Variants in RBFOX1 observed in about 807,000 individuals in gnomAD.
RBFOX1 encodes RNA binding fox-1 homolog 1, also known as RNA binding protein fox-1 homolog 1.
In RBFOX1, 8 loss-of-function variants were observed where a neutral mutation model predicts 57.7. The ratio of observed to expected loss-of-function variants is 0.14; its 90% CI spans 0.08 to 0.25. RBFOX1 has a LOEUF of 0.25. RBFOX1 is among the 10% of genes least tolerant of loss of function. The pLI is 1.00. For missense variants in RBFOX1, 611 were observed against 548.5 expected (o/e 1.11, Z -1.14); for synonymous variants, 326 against 222.4 (o/e 1.47, Z -4.15).
At chr16:6,372,864 G>C (rs1026374103) in intron 2 of RBFOX1, among the ~76,000 whole-genome samples, 3 of 150,914 alleles carry the variant, frequency 2.0e-5, no homozygotes, top group African/African-American at 7.3e-5. Context: ...GAGTACGGTC[G>C]GGTGGAATGG....
intron 3 of RBFOX1, among the ~76,000 whole-genome samples, chr16:7,019,513 C>T (rs932622891): frequency 3.3e-5 from 5 of 152,078 alleles, no homozygotes; most frequent in African/African-American, 4.8e-5. Flanking sequence ...AACCCCTGAG[C>T]CCATGGTCCT....
chr16:7,216,229 G>A (rs1339559156), intron 4 of RBFOX1, among the ~76,000 whole-genome samples: 2 of 152,156 alleles, frequency 1.3e-5, no homozygotes, highest in African/African-American at 2.4e-5. Flanking sequence ...TGTGAATCAT[G>A]CCACTATCTG....
intron 3 of RBFOX1, among the ~76,000 whole-genome samples, chr16:6,866,898 A>G (rs1013639886): frequency 1.3e-5 from 2 of 152,052 alleles, no homozygotes; most frequent in African/African-American, 2.4e-5. Context: ...TGCCACACAA[A>G]GCATCAAGAT....
chr16:5,609,773 CATA>C (rs2047709139), intron 3 of RBFOX1, among the ~76,000 whole-genome samples: 1 of 149,290 alleles, frequency 6.7e-6, no homozygotes, highest in Non-Finnish European at 1.5e-5. Flanking sequence ...TTGTTAATCT[CATA>C]ATATTTTTTA....
chr16:7,361,535 C>A lies in RBFOX1; in HGVS notation c.28-156612C>A, dbSNP rs151003324. Reference sequence around the variant, plus strand: ...AAATCCAGGTTAGACCAGGTGAGTCCGAAGGTGGCAGGTGGCTAAGGAGGA... The same window carrying A: ...AAATCCAGGTTAGACCAGGTGAGTCAGAAGGTGGCAGGTGGCTAAGGAGGA... On this transcript the variant is annotated intron_variant, in intron 4 of 15. Coordinates refer to ENST00000550418, the MANE Select transcript of RBFOX1 (RefSeq NM_018723.4). Among the ~76,000 whole-genome samples, 336 of 152,172 alleles carry A rather than the reference C, an allele frequency of 2.2e-3. 3 individuals carry two copies. The highest frequency in any genetic ancestry group is 7.9e-3 in the African/African-American group (326 of 41,510).
intron 2 of RBFOX1, among the ~76,000 whole-genome samples, chr16:6,562,881 T>TTTCTTTG: frequency 3.3e-5 from 1 of 30,554 alleles, no homozygotes; most frequent in Non-Finnish European, 7.8e-5. Context: ...TCTTTCTTTC[T>TTTCTTTG]TTTTTTTTTT....
intron 3 of RBFOX1, among the ~76,000 whole-genome samples, chr16:6,853,851 G>A (rs748310324): frequency 6.6e-6 from 1 of 152,264 alleles, no homozygotes; most frequent in East Asian, 1.9e-4. Flanking sequence ...GGTGACAAAT[G>A]ATGAGTATGG....
rs1218573469 is a variant in RBFOX1 at position 6,910,478 on chromosome 16, A to AT, written c.-15-141577dup. Among the ~76,000 whole-genome samples the AT allele has an allele frequency of 1.2e-3, 182 of 152,288 alleles. 2 individuals are homozygous for AT. Among genetic ancestry groups the AT allele is most frequent in the Non-Finnish European group, 2.8e-4 (19 of 68,020 alleles). On this transcript the variant is annotated intron_variant, in intron 3 of 15. Transcript: ENST00000550418. ...ACTTGGCTCTGTGCCTGAGTGGGTG[A>AT]TTCCCCACTTGTGTTAATCACTCAA... is the stretch of plus-strand genomic sequence containing the variant.
chr16:7,483,208 T>C (rs1329462502), intron 4 of RBFOX1, among the ~76,000 whole-genome samples: 2 of 152,160 alleles, frequency 1.3e-5, no homozygotes, highest in Non-Finnish European at 2.9e-5. Context: ...ACTGCGGAAA[T>C]AGACTCATCA....
At chr16:5,684,157 C>G (rs552426142) in intron 3 of RBFOX1, among the ~76,000 whole-genome samples, 1 of 152,112 alleles carries the variant, frequency 6.6e-6, no homozygotes, top group African/African-American at 2.4e-5. Flanking sequence ...GCCATCTCAT[C>G]CTATATCTAA....
chr16:6,599,556 C>G (rs191111105), intron 2 of RBFOX1, among the ~76,000 whole-genome samples: 1 of 152,260 alleles, frequency 6.6e-6, no homozygotes, highest in African/African-American at 2.4e-5. Flanking sequence ...AAGCCAGTAA[C>G]AAAACTCCTA....
intron 3 of RBFOX1, among the ~76,000 whole-genome samples, chr16:5,636,981 G>C (rs1012745268): frequency 6.6e-6 from 1 of 152,202 alleles, no homozygotes; most frequent in Non-Finnish European, 1.5e-5. Flanking sequence ...ATATGCATTT[G>C]TTCTTCTTGT....
In RBFOX1 at chr16:5,852,013, C is replaced by T. The variant is rs1865811; in HGVS notation, c.319-15290C>T. On this transcript the variant is annotated intron_variant, in intron 3 of 19. Coordinates refer to the RBFOX1 transcript ENST00000641259. Reference sequence around the variant, plus strand: ...TGTTTCCCTTCTCTGTTTTTAAAATCGGGGACAATGAGAGGATCTACATCA... The same window carrying T: ...TGTTTCCCTTCTCTGTTTTTAAAATTGGGGACAATGAGAGGATCTACATCA... 2.7e-3 allele frequency among the ~76,000 whole-genome samples: 406 copies of T among 152,170 alleles called. 5 individuals are homozygous for T. The highest frequency in any genetic ancestry group is 9.4e-3 in the African/African-American group (391 of 41,516).
At chr16:7,392,059 A>C (rs1195316830) in intron 4 of RBFOX1, among the ~76,000 whole-genome samples, 1 of 152,210 alleles carries the variant, frequency 6.6e-6, no homozygotes, top group Non-Finnish European at 1.5e-5. Context: ...CCACCACAAT[A>C]CTTAAGCCAG....
chr16:5,752,389 T>C (rs2053240694), intron 3 of RBFOX1, among the ~76,000 whole-genome samples: 1 of 152,162 alleles, frequency 6.6e-6, no homozygotes, highest in Non-Finnish European at 1.5e-5. Flanking sequence ...GACACAAGCT[T>C]ACCAATATAA....
intron 4 of RBFOX1, among the ~76,000 whole-genome samples, chr16:5,995,131 C>T (rs577200431): frequency 1.4e-4 from 21 of 152,280 alleles, no homozygotes; most frequent in South Asian, 4.1e-4. Flanking sequence ...TAACCTGCTT[C>T]GAAATGTTAA....
intron 2 of RBFOX1, among the ~76,000 whole-genome samples, chr16:6,487,259 C>G (rs760284915): frequency 3.3e-5 from 5 of 151,510 alleles, no homozygotes; most frequent in African/African-American, 4.9e-5. Context: ...TGAATTCAAG[C>G]AATTAAAAAT....
At chr16:5,598,703 G>C (rs951746955) in intron 2 of RBFOX1, among the ~76,000 whole-genome samples, 3 of 152,188 alleles carry the variant, frequency 2.0e-5, no homozygotes, top group Non-Finnish European at 4.4e-5. Flanking sequence ...GGGCTTTGTA[G>C]CCATATCGGG....
chr16:5,485,345 C>CAAAAAAAAAAAAAAAAAAAAA (rs71142624), intron 2 of RBFOX1, among the ~76,000 whole-genome samples: 3 of 51,668 alleles, frequency 5.8e-5, no homozygotes, highest in African/African-American at 2.1e-4. Context: ...GACTCCGTGT[C>CAAAAAAAAAAAAAAAAAAAAA]AAAAAAAAAA....
Sources: allele counts gnomAD v4.1 joint callset (sites outside exome capture counted in the v4.1 genomes callset), GRCh38; gene constraint gnomAD v4.1.1; transcripts MANE v1.5; gene names NCBI Gene and HGNC (gene_info 2026-07-23, HGNC 2026-07-21).